The following KCNH1 variants were observed in gnomAD, a reference collection of about 807,000 sequenced individuals.
KCNH1 encodes voltage-gated delayed rectifier potassium channel KCNH1.
In KCNH1, 27 loss-of-function variants were observed where a neutral mutation model predicts 69.2. The ratio of observed to expected loss-of-function variants is 0.39; its 90% confidence interval spans 0.29 to 0.54. KCNH1 has a LOEUF of 0.54. KCNH1 is among the 20% of genes least tolerant of loss of function. The pLI is 0.68. For missense variants in KCNH1, 798 were observed against 1,261.6 expected (o/e 0.63, Z 5.57); for synonymous variants, 456 against 487.7 (o/e 0.93, Z 0.86).
intron 1 of KCNH1, among the ~76,000 whole-genome samples, chr1:211,109,968 T>C (rs1445771881): frequency 6.6e-6 from 1 of 151,334 alleles, no homozygotes; most frequent in Non-Finnish European, 1.5e-5. Flanking sequence ...ACATGAATTT[T>C]AGAAGATAAA....
chr1:211,064,252 G>A (rs1558588695), intron 5 of KCNH1, among the ~76,000 whole-genome samples: 1 of 152,168 alleles, frequency 6.6e-6, no homozygotes, highest in Non-Finnish European at 1.5e-5. Flanking sequence ...TTATATTGAT[G>A]AGTGGGTTAA....
chr1:210,687,988 G>A (rs968043010), intron 10 of KCNH1, among the ~76,000 whole-genome samples: 2 of 152,154 alleles, frequency 1.3e-5, no homozygotes, highest in African/African-American at 4.8e-5. Flanking sequence ...TGTGTCCAAA[G>A]TATTCCATGA....
At chr1:210,751,115 G>C (rs1683274485) in intron 10 of KCNH1, among the ~76,000 whole-genome samples, 1 of 152,190 alleles carries the variant, frequency 6.6e-6, no homozygotes, top group African/African-American at 2.4e-5. Context: ...TCTATAGAGA[G>C]GAGAGTTATG....
intron 10 of KCNH1, among the ~76,000 whole-genome samples, chr1:210,759,944 C>T (rs1290908910): frequency 6.6e-6 from 1 of 152,164 alleles, no homozygotes; most frequent in Non-Finnish European, 1.5e-5. Flanking sequence ...GGCAGGTGAG[C>T]AAGCACTGCC....
At chr1:210,858,700 A>C (rs1202794029) in intron 7 of KCNH1, 1 of 159,658 alleles carries the variant, frequency 6.3e-6, no homozygotes, top group East Asian at 1.8e-4. Flanking sequence ...AAGAATAGAT[A>C]CCCAATGGTG....
chr1:210,978,924 C>T (rs551912751), intron 6 of KCNH1, among the ~76,000 whole-genome samples: 5 of 152,192 alleles, frequency 3.3e-5, no homozygotes, highest in Admixed American at 6.5e-5. Context: ...GTCTCCTCTG[C>T]ATATTCAAAC....
intron 7 of KCNH1, among the ~76,000 whole-genome samples, chr1:210,894,523 C>A (rs1193306812): frequency 6.6e-6 from 1 of 152,150 alleles, no homozygotes; most frequent in Non-Finnish European, 1.5e-5. Flanking sequence ...GAGGAAGATT[C>A]TCTGCAGTAT....
intron 6 of KCNH1, among the ~76,000 whole-genome samples, chr1:211,017,999 T>C (rs1258372203): frequency 6.6e-6 from 1 of 152,072 alleles, no homozygotes; most frequent in African/African-American, 2.4e-5. Context: ...ACTCCATTAG[T>C]TCCCACGAAA....
chr1:211,108,161 C>T (rs1691392802), intron 1 of KCNH1, among the ~76,000 whole-genome samples: 1 of 152,226 alleles, frequency 6.6e-6, no homozygotes, highest in South Asian at 2.1e-4. Flanking sequence ...CTACTTCCCA[C>T]ATTTTTGAAA....
intron 6 of KCNH1, among the ~76,000 whole-genome samples, chr1:210,922,576 A>G (rs1687486025): frequency 6.6e-6 from 1 of 152,160 alleles, no homozygotes; most frequent in South Asian, 2.1e-4. Flanking sequence ...ATTTTTAACA[A>G]ACCTTACTCT....
intron 1 of KCNH1, among the ~76,000 whole-genome samples, chr1:211,111,584 C>A (rs964774372): frequency 1.4e-5 from 2 of 145,260 alleles, no homozygotes; most frequent in African/African-American, 2.6e-5. Flanking sequence ...GCGCCTCTGC[C>A]CAGCCACCTC....
intron 6 of KCNH1, among the ~76,000 whole-genome samples, chr1:210,964,889 A>G (rs1248049777): frequency 6.6e-6 from 1 of 152,160 alleles, no homozygotes; most frequent in East Asian, 1.9e-4. Context: ...AGCACATCAA[A>G]AAGCTTCTCC....
At chr1:210,694,360 C>CTT (rs201043751) in intron 10 of KCNH1, among the ~76,000 whole-genome samples, 1 of 152,034 alleles carries the variant, frequency 6.6e-6, no homozygotes, top group Non-Finnish European at 1.5e-5. Context: ...ACTCCCCCTG[C>CTT]TTTTTTTTCC....
intron 10 of KCNH1, among the ~76,000 whole-genome samples, chr1:210,750,136 G>T (rs1683252321): frequency 6.6e-6 from 1 of 152,180 alleles, no homozygotes; most frequent in South Asian, 2.1e-4. Context: ...TTCAAGCTCT[G>T]ATTTGATCAC....
At chr1:211,040,108 G>A (rs905671937) in intron 5 of KCNH1, among the ~76,000 whole-genome samples, 34 of 151,054 alleles carry the variant, frequency 2.3e-4, no homozygotes, top group African/African-American at 7.1e-4. Context: ...GGAGAATGGC[G>A]TGAACCTGGG....
At chr1:211,121,011 T>C (rs1457087923) in intron 1 of KCNH1, among the ~76,000 whole-genome samples, 1 of 152,110 alleles carries the variant, frequency 6.6e-6, no homozygotes, top group Non-Finnish European at 1.5e-5. Context: ...AACAAACTAC[T>C]GCTCAGGGAA....
chr1:210,855,490 G>T (rs538266738), intron 7 of KCNH1, among the ~76,000 whole-genome samples: 71 of 152,222 alleles, frequency 4.7e-4, no homozygotes, highest in Non-Finnish European at 6.9e-4. Flanking sequence ...AGTCCAGGCT[G>T]CAGATGTCTG....
rs78575726 is a variant in KCNH1 at position 210,683,437 on chromosome 1, C to G, written c.2814G>C (p.Lys938Asn). ...TATTGGTCATTTTGGCGTTTAAGGC[C>G]TTGATGTCCTCCTTCAGCTCGTGCC... ...EVRHELKEDI[K>N]ALNAKMTNIE... The change falls in exon 11 of 11, where the codon AAG (lysine) becomes AAC (asparagine). Residue 938 changes from lysine to asparagine, a missense_variant. Transcript: ENST00000271751. The surrounding 1 kb of genome is among the most constrained non-coding windows in gnomAD (Gnocchi z 5.7). 6.2e-7 allele frequency: 1 copy of G among 1,614,120 alleles called. No individual in the cohort carries two copies. Among genetic ancestry groups the G allele is most frequent in the South Asian group, 1.1e-5 (1 of 91,072 alleles).
rs1225012875 is a variant in KCNH1, at chr1:210,796,189, A to G, written c.1915+1319T>C. On this transcript the variant is annotated intron_variant, in intron 9 of 10. Transcript: ENST00000271751. ...AAAAAATTATCATCAGAATTGCAGT[A>G]TTACAAAATGGATTGAAGCAGAGGT... Among the ~76,000 whole-genome samples, 7 of 151,790 alleles carry G rather than the reference A, an allele frequency of 4.6e-5. No homozygotes were observed. The East Asian group carries it at 1.4e-3, about 29-fold the overall frequency.
Sources: allele counts gnomAD v4.1 joint callset (sites outside exome capture counted in the v4.1 genomes callset), GRCh38; gene constraint gnomAD v4.1.1; non-coding constraint Gnocchi (gnomAD v3.1); transcripts MANE v1.5; gene names NCBI Gene and HGNC (gene_info 2026-07-23, HGNC 2026-07-21).